The following UBXN8 variants were observed in gnomAD, a reference collection of about 807,000 sequenced individuals.
UBXN8 encodes the protein UBX domain protein 8.
UBXN8 carries 27 observed loss-of-function variants against 32.1 expected under a neutral mutation model. That is an observed-to-expected ratio of 0.84 (90% CI 0.62 to 1.16). UBXN8 has a LOEUF of 1.16. UBXN8 is among the 50% of genes most tolerant of loss of function. UBXN8 has a pLI of 0.00. For synonymous variants in UBXN8, 109 were observed against 111.8 expected, an observed-to-expected ratio of 0.98 and a Z score of 0.16; for missense variants, 306 against 311.4, an observed-to-expected ratio of 0.98 and a Z score of 0.13.
rs67334347 is a variant in UBXN8 at position 30,747,894 on chromosome 8, CTTTTTT to C, written c.89-3483_89-3478del. Among the ~76,000 whole-genome samples the C allele has an allele frequency of 5.9e-4, 21 of 35,636 alleles. 1 individual carries two copies. Among genetic ancestry groups the C allele is most frequent in the African/African-American group, 2.1e-3 (20 of 9,386 alleles). 23.4% of individuals were successfully genotyped at this position (35,636 alleles called of 152,430 possible). A position where few individuals can be genotyped will look rare whatever the true frequency, so the allele number is the denominator to read the frequency against. ...TTTCTTTTTTTAATATATATTTTTT[CTTTTTT>C]TTTTTTTTTTTTTTTTTTGCTACCT... On this transcript the variant is annotated intron_variant, in intron 1 of 7. Transcript: ENST00000265616.
At chr8:30,745,169 A>C (rs941089405) in intron 1 of UBXN8, among the ~76,000 whole-genome samples, 18 of 152,186 alleles carry the variant, frequency 1.2e-4, no homozygotes, top group Non-Finnish European at 2.1e-4. Context: ...ACAAGTGGTG[A>C]TGATGGCCTG....
chr8:30,740,635 T>C (rs941026751), upstream of UBXN8, among the ~76,000 whole-genome samples: 3 of 150,670 alleles, frequency 2.0e-5, no homozygotes, highest in Non-Finnish European at 4.4e-5. Context: ...TGAGGTGAGA[T>C]GATCGCTTGA....
chr8:30,754,825 T>C, intron 4 of UBXN8, 38 bp downstream of exon 4: 1 of 1,541,926 alleles, frequency 6.5e-7, no homozygotes, highest in Non-Finnish European at 8.6e-7. Flanking sequence ...TGAATCCTCT[T>C]ACTATGTTTC....
chr8:30,765,136 C>T (rs1220396563), intron 7 of UBXN8, among the ~76,000 whole-genome samples: 1 of 151,990 alleles, frequency 6.6e-6, no homozygotes, highest in African/African-American at 2.4e-5. Context: ...CAATCTTGAA[C>T]TCCTGGGTTC....
intron 5 of UBXN8, among the ~76,000 whole-genome samples, chr8:30,760,444 T>TAGATATA (rs60534482): frequency 3.4e-4 from 23 of 67,014 alleles, no homozygotes; most frequent in African/African-American, 1.4e-3. Flanking sequence ...TATATATATA[T>TAGATATA]TTTTTTTTTT....
At chr8:30,760,443 A>ATATATTTTTT (rs1196366158) in intron 5 of UBXN8, among the ~76,000 whole-genome samples, 177 of 91,066 alleles carry the variant, frequency 1.9e-3, no homozygotes, top group African/African-American at 5.9e-3. Context: ...ATATATATAT[A>ATATATTTTTT]TTTTTTTTTT....
chr8:30,766,091 A>G (rs993659337), intron 7 of UBXN8, 136 bp from the exon 8 acceptor site: 1 of 736,378 alleles, frequency 1.4e-6, no homozygotes. Flanking sequence ...TTTCTTTGAA[A>G]GGTATGAAAC....
At chr8:30,758,894 G>GTTTTTT (rs1176699545) in intron 5 of UBXN8, among the ~76,000 whole-genome samples, 1 of 121,992 alleles carries the variant, frequency 8.2e-6, no homozygotes, top group Non-Finnish European at 1.6e-5. Context: ...TGTTTTTTTT[G>GTTTTTT]TTTTTTTTTT....
chr8:30,751,262 C>T, intron 1 of UBXN8, 134 bp from the exon 2 acceptor site: 2 of 672,372 alleles, frequency 3.0e-6, no homozygotes, highest in Non-Finnish European at 4.8e-6. Context: ...GCCTATAATC[C>T]TAGCACTTTG....
chr8:30,748,858 G>A (rs377734573), intron 1 of UBXN8, among the ~76,000 whole-genome samples: 1 of 152,062 alleles, frequency 6.6e-6, no homozygotes, highest in South Asian at 2.1e-4. Flanking sequence ...ATGTTTTTCT[G>A]ATTCCTTCTT....
At chr8:30,760,443 A>ATATATATATATATATATT (rs1196366158) in intron 5 of UBXN8, among the ~76,000 whole-genome samples, 1 of 91,118 alleles carries the variant, frequency 1.1e-5, no homozygotes, top group African/African-American at 5.1e-5. Flanking sequence ...ATATATATAT[A>ATATATATATATATATATT]TTTTTTTTTT....
chr8:30,757,361 C>T (rs760533067), intron 5 of UBXN8, among the ~76,000 whole-genome samples: 1 of 151,718 alleles, frequency 6.6e-6, no homozygotes, highest in Non-Finnish European at 1.5e-5. Flanking sequence ...ACCAGCCTGG[C>T]CAACATGGTG....
chr8:30,765,875 G>A (rs769484407), intron 7 of UBXN8, among the ~76,000 whole-genome samples: 17 of 151,890 alleles, frequency 1.1e-4, no homozygotes, highest in Non-Finnish European at 2.2e-4. Flanking sequence ...GGGCATGGTA[G>A]TGGGCGCCTG....
intron 5 of UBXN8, among the ~76,000 whole-genome samples, chr8:30,757,243 T>C (rs1427475729): frequency 1.3e-5 from 2 of 151,212 alleles, no homozygotes; most frequent in African/African-American, 4.9e-5. Context: ...CAAATGATAA[T>C]AGGTTTAGAA....
At position 30,737,654 on chromosome 8, in the gene UBXN8, C is replaced by A. The variant is rs574218528; in HGVS notation, c.622+4346C>A. Among the ~76,000 whole-genome samples the A allele has an allele frequency of 3.7e-5, 3 of 80,414 alleles. No individual in the cohort carries two copies. The East Asian group carries it at 1.7e-3, about 45-fold the overall frequency. 52.8% of individuals were successfully genotyped at this position (80,414 alleles called of 152,430 possible). A position where few individuals can be genotyped will look rare whatever the true frequency, so the allele number is the denominator to read the frequency against. The stretch of plus-strand genomic sequence containing the variant: ...AGTAAGCCGTGATCTCACCACTGCA[C>A]TCCAGCCTAAGCAACAGAGCGAGAC... On this transcript the variant is annotated intron_variant, in intron 1 of 1. Coordinates refer to the UBXN8 transcript ENST00000522968.
upstream of UBXN8, among the ~76,000 whole-genome samples, chr8:30,741,719 G>A (rs947533130): frequency 6.6e-6 from 1 of 151,990 alleles, no homozygotes; most frequent in Non-Finnish European, 1.5e-5. Context: ...CAAAGTGCTG[G>A]GATTACAGGC....
Position 30,746,776 on chromosome 8 carries a change from G to T in UBXN8, c.88+2499G>T, listed in dbSNP as rs372329863. Among the ~76,000 whole-genome samples, 4 of 138,608 alleles carry T rather than the reference G, an allele frequency of 2.9e-5. 1 individual carries two copies. Among genetic ancestry groups the T allele is most frequent in the African/African-American group, 1.1e-4 (4 of 35,588 alleles). 90.9% of individuals were successfully genotyped at this position (138,608 alleles called of 152,430 possible). Reference sequence around the variant, plus strand: ...CCTGACCTTGTGATCCACCCGCCTCGGCCTCCCAAAGTGCTGGGATTACAG... The same window carrying T: ...CCTGACCTTGTGATCCACCCGCCTCTGCCTCCCAAAGTGCTGGGATTACAG... On this transcript the variant is annotated intron_variant, in intron 1 of 7. Transcript: ENST00000265616.
intron 7 of UBXN8, among the ~76,000 whole-genome samples, chr8:30,764,877 T>C (rs1310441132): frequency 1.3e-5 from 2 of 151,936 alleles, no homozygotes; most frequent in Admixed American, 6.6e-5. Flanking sequence ...TGGTGAAACC[T>C]TGTCTCTACT....
chr8:30,753,133 G>A (rs1200342434), intron 3 of UBXN8, 28 bp downstream of exon 3: 2 of 1,467,042 alleles, frequency 1.4e-6, no homozygotes, highest in South Asian at 1.5e-5. Flanking sequence ...GAGACTTTAT[G>A]CGTAGAGAAA....
Sources: allele counts gnomAD v4.1 joint callset (sites outside exome capture counted in the v4.1 genomes callset), GRCh38; gene constraint gnomAD v4.1.1; transcripts MANE v1.5; gene names NCBI Gene and HGNC (gene_info 2026-07-23, HGNC 2026-07-21).